Variants in SPATA16 observed in about 807,000 individuals in gnomAD.
The protein encoded by SPATA16 is spermatogenesis associated 16.
SPATA16 carries 36 observed loss-of-function variants against 63.3 expected under a neutral mutation model. The observed-to-expected ratio is 0.57, with a 90% CI of 0.44 to 0.75. The LOEUF is 0.75. SPATA16 is among the 30% of genes least tolerant of loss of function. The pLI is 0.00. For missense variants in SPATA16, 646 were observed against 679.3 expected, an observed-to-expected ratio of 0.95 and a Z score of 0.54; for synonymous variants, 203 against 216.7, an observed-to-expected ratio of 0.94 and a Z score of 0.56.
chr3:172,893,822 C>T (rs1487728706), intron 10 of SPATA16, among the ~76,000 whole-genome samples: 1 of 152,180 alleles, frequency 6.6e-6, no homozygotes, highest in African/African-American at 2.4e-5. Flanking sequence ...AAGGAAGATG[C>T]TGGGCTTGAA....
chr3:173,122,561 A>T (rs1560130942), intron 1 of SPATA16, among the ~76,000 whole-genome samples: 1 of 152,180 alleles, frequency 6.6e-6, no homozygotes, highest in Non-Finnish European at 1.5e-5. Context: ...AACCAGTGAG[A>T]CATTATGAGA....
chr3:173,105,133 C>T (rs2108328005), intron 2 of SPATA16, among the ~76,000 whole-genome samples: 1 of 152,286 alleles, frequency 6.6e-6, no homozygotes, highest in East Asian at 1.9e-4. Context: ...ATATGCTCTA[C>T]TATATAATGA....
At chr3:173,002,404 T>C (rs1411320489) in intron 4 of SPATA16, among the ~76,000 whole-genome samples, 1 of 152,124 alleles carries the variant, frequency 6.6e-6, no homozygotes, top group African/African-American at 2.4e-5. Context: ...AAAGTTTCCT[T>C]AAGAAACAAC....
chr3:172,946,149 G>C (rs192785556), intron 6 of SPATA16, among the ~76,000 whole-genome samples: 1 of 152,194 alleles, frequency 6.6e-6, no homozygotes, highest in Non-Finnish European at 1.5e-5. Flanking sequence ...CCCAGTCCTA[G>C]CAGGGTTCAT....
chr3:173,134,831 T>A (rs115341208), intron 1 of SPATA16, among the ~76,000 whole-genome samples: 2,331 of 152,194 alleles, frequency 0.015, 35 homozygotes, highest in Middle Eastern at 0.071. Context: ...TCTTACATAA[T>A]GCACAAAAAT....
intron 2 of SPATA16, among the ~76,000 whole-genome samples, chr3:173,101,752 A>G (rs1577175170): frequency 6.6e-6 from 1 of 152,040 alleles, no homozygotes; most frequent in Admixed American, 6.5e-5. Flanking sequence ...CTCAAAACCT[A>G]TACTCTAGAT....
chr3:172,947,420 C>A (rs965039605), intron 6 of SPATA16, among the ~76,000 whole-genome samples: 1 of 129,372 alleles, frequency 7.7e-6, no homozygotes, highest in Non-Finnish European at 1.5e-5. Context: ...ATTTCCTTTA[C>A]GTAATGTATG....
chr3:172,978,131 C>T (rs995353441), intron 4 of SPATA16, among the ~76,000 whole-genome samples: 1 of 149,128 alleles, frequency 6.7e-6, no homozygotes, highest in African/African-American at 2.5e-5. Flanking sequence ...CTCTCTCTCT[C>T]TCTCTCCCTC....
intron 4 of SPATA16, among the ~76,000 whole-genome samples, chr3:173,005,648 A>G (rs1209269163): frequency 6.6e-6 from 1 of 152,228 alleles, no homozygotes; most frequent in Non-Finnish European, 1.5e-5. Context: ...TCAAAAGAAA[A>G]AAGGGGCAAA....
At chr3:172,948,849 C>T (rs898407747) in intron 6 of SPATA16, among the ~76,000 whole-genome samples, 7 of 152,080 alleles carry the variant, frequency 4.6e-5, no homozygotes, top group African/African-American at 1.7e-4. Flanking sequence ...TAAACTAATG[C>T]TTTTTGCAAC....
chr3:173,029,417 G>GT (rs879921705), intron 3 of SPATA16, among the ~76,000 whole-genome samples: 2 of 131,760 alleles, frequency 1.5e-5, no homozygotes, highest in African/African-American at 2.6e-5. Context: ...TTTTTTTTTT[G>GT]TTTGTTTGTT....
intron 4 of SPATA16, among the ~76,000 whole-genome samples, chr3:173,009,447 C>T (rs1278323127): frequency 6.6e-6 from 1 of 152,228 alleles, no homozygotes; most frequent in Non-Finnish European, 1.5e-5. Flanking sequence ...CCCTCTGACT[C>T]TCCAGGGTCT....
At chr3:173,026,425 G>A (rs1426675575) in intron 3 of SPATA16, among the ~76,000 whole-genome samples, 3 of 151,776 alleles carry the variant, frequency 2.0e-5, no homozygotes, top group African/African-American at 7.2e-5. Context: ...TTGAAGAGCA[G>A]AAGATTTTTG....
At chr3:173,010,466 GTGTGTT>G (rs1314076335) in intron 4 of SPATA16, among the ~76,000 whole-genome samples, 5 of 151,082 alleles carry the variant, frequency 3.3e-5, no homozygotes, top group Non-Finnish European at 4.4e-5. Flanking sequence ...GTGTGTGTGT[GTGTGTT>G]TGTTTTTGTT....
intron 3 of SPATA16, among the ~76,000 whole-genome samples, chr3:173,032,866 TC>T (rs1337866815): frequency 1.3e-5 from 2 of 152,142 alleles, no homozygotes; most frequent in Non-Finnish European, 2.9e-5. Context: ...TAATAGGCAG[TC>T]AATAAATGTT....
rs759633637 is a variant in SPATA16 at position 173,076,617 on chromosome 3, GC to G, written c.613-27524del. 9.2e-5 allele frequency among the ~76,000 whole-genome samples: 14 copies of G among 151,966 alleles called. 1 individual carries two copies. Among genetic ancestry groups the G allele is most frequent in the Admixed American group, 2.6e-4 (4 of 15,250 alleles). ...TATTTTAAACAGCTGAGATTTTATA[GC>G]CACTCAGGGATAATAAAAATTTTGA... is the stretch of plus-strand genomic sequence containing the variant. On this transcript the variant is annotated intron_variant, in intron 2 of 10. Transcript: ENST00000351008.
intron 2 of SPATA16, among the ~76,000 whole-genome samples, chr3:173,115,939 C>G (rs1390120191): frequency 6.6e-6 from 1 of 151,492 alleles, no homozygotes; most frequent in South Asian, 2.1e-4. Context: ...GTTGCCCAGC[C>G]TGGAATGCAG....
intron 5 of SPATA16, among the ~76,000 whole-genome samples, chr3:172,970,177 C>T (rs1169212784): frequency 6.6e-6 from 1 of 152,178 alleles, no homozygotes; most frequent in Non-Finnish European, 1.5e-5. Context: ...TCCTGAATCT[C>T]AGGCCCAACC....
At chr3:172,941,019 TA>T (rs895887549) in intron 6 of SPATA16, among the ~76,000 whole-genome samples, 3 of 151,188 alleles carry the variant, frequency 2.0e-5, no homozygotes, top group Non-Finnish European at 3.0e-5. Flanking sequence ...GCAAATTACA[TA>T]AAAAAAAGAT....
Sources: allele counts gnomAD v4.1 joint callset (sites outside exome capture counted in the v4.1 genomes callset), GRCh38; gene constraint gnomAD v4.1.1; transcripts MANE v1.5; gene names NCBI Gene and HGNC (gene_info 2026-07-23, HGNC 2026-07-21).